Variants in RINT1 observed in about 807,000 individuals in gnomAD.
The protein encoded by RINT1 is RAD50-interacting protein 1.
A neutral mutation model predicts 97.7 loss-of-function variants in RINT1; 75 were observed. That is an observed-to-expected ratio of 0.77 (90% CI 0.64 to 0.93). RINT1 has a LOEUF of 0.93. RINT1 is among the 40% of genes least tolerant of loss of function. The pLI, the probability that RINT1 is intolerant of heterozygous loss-of-function variation, is 0.00. For synonymous variants in RINT1, 303 were observed against 326.3 expected (o/e 0.93, Z 0.77); for missense variants, 892 against 925.2 (o/e 0.96, Z 0.47).
chr7:105,559,883 A>C (rs1177155441), intron 11 of RINT1, among the ~76,000 whole-genome samples: 1 of 152,224 alleles, frequency 6.6e-6, no homozygotes. Flanking sequence ...GACAGAATTC[A>C]CTTTCCATTT....
At chr7:105,561,823 A>C (rs1586262823) in intron 11 of RINT1, among the ~76,000 whole-genome samples, 1 of 151,992 alleles carries the variant, frequency 6.6e-6, no homozygotes, top group Non-Finnish European at 1.5e-5. Context: ...CAGCCTCCCA[A>C]AGTGCTGAGA....
At chr7:105,546,226 A>T (rs1220632154) in intron 4 of RINT1, among the ~76,000 whole-genome samples, 3 of 152,244 alleles carry the variant, frequency 2.0e-5, no homozygotes, top group African/African-American at 4.8e-5. Context: ...ATACTACCAC[A>T]TTATTCCCTT....
intron 11 of RINT1, chr7:105,555,449 G>A: frequency 2.8e-6 from 1 of 358,240 alleles, no homozygotes; most frequent in Non-Finnish European, 5.1e-6. Flanking sequence ...GGAAAGGCAA[G>A]CAAGCCTTTC....
At chr7:105,549,829 T>C (rs1424389871) in intron 7 of RINT1, among the ~76,000 whole-genome samples, 2 of 152,216 alleles carry the variant, frequency 1.3e-5, no homozygotes, top group African/African-American at 4.8e-5. Flanking sequence ...TATGAGTTTA[T>C]TGACTTAAGT....
intron 10 of RINT1, among the ~76,000 whole-genome samples, chr7:105,552,125 T>G (rs1790954028): frequency 6.6e-6 from 1 of 152,170 alleles, no homozygotes; most frequent in African/African-American, 2.4e-5. Context: ...GGTTGTTATC[T>G]TCAAATTCAG....
At chr7:105,549,441 C>T (rs1294574162) in intron 7 of RINT1, among the ~76,000 whole-genome samples, 10 of 152,060 alleles carry the variant, frequency 6.6e-5, no homozygotes, top group Admixed American at 2.0e-4. Context: ...CTCTGCCTCC[C>T]GCGTTCAAGC....
intron 11 of RINT1, among the ~76,000 whole-genome samples, chr7:105,555,910 A>C (rs1047069520): frequency 1.3e-5 from 2 of 152,150 alleles, no homozygotes; most frequent in African/African-American, 4.8e-5. Flanking sequence ...GGATCACTGG[A>C]GCCCAGAAAT....
intron 3 of RINT1, among the ~76,000 whole-genome samples, chr7:105,537,107 G>A (rs1790267372): frequency 7.9e-6 from 1 of 126,550 alleles, no homozygotes; most frequent in African/African-American, 2.8e-5. Context: ...ATACCATGGT[G>A]TAAACACCAT....
At chr7:105,551,813 C>A in intron 10 of RINT1, 106 bp downstream of exon 10, 2 of 889,330 alleles carry the variant, frequency 2.2e-6, no homozygotes, top group Non-Finnish European at 3.3e-6. Flanking sequence ...TGCCTGTAAT[C>A]CTAGCACTTT....
chr7:105,540,549 A>G (rs1370224311), intron 3 of RINT1, among the ~76,000 whole-genome samples: 1 of 152,022 alleles, frequency 6.6e-6, no homozygotes, highest in Non-Finnish European at 1.5e-5. Context: ...GGCATGAGAC[A>G]CTGTGCCCGG....
At chr7:105,551,385 T>A (rs1051048697) in intron 9 of RINT1, among the ~76,000 whole-genome samples, 185 bp from the exon 10 acceptor site, 37 of 152,142 alleles carry the variant, frequency 2.4e-4, no homozygotes, top group African/African-American at 8.0e-4. Context: ...ATTTTCAGAA[T>A]TTGGGGATGG....
chr7:105,559,145 A>G (rs1311017364), intron 11 of RINT1, among the ~76,000 whole-genome samples: 1 of 152,098 alleles, frequency 6.6e-6, no homozygotes, highest in Non-Finnish European at 1.5e-5. Flanking sequence ...CTGTAATCCC[A>G]GCACTTTGGG....
At chr7:105,564,272 G>A (rs1053628828) in intron 12 of RINT1, among the ~76,000 whole-genome samples, 3 of 152,098 alleles carry the variant, frequency 2.0e-5, no homozygotes, top group African/African-American at 7.2e-5. Context: ...ATTTTTAGTA[G>A]AGATGTGGTT....
At chr7:105,538,026 T>C (rs1326792025) in intron 3 of RINT1, among the ~76,000 whole-genome samples, 1 of 151,876 alleles carries the variant, frequency 6.6e-6, no homozygotes, top group East Asian at 1.9e-4. Flanking sequence ...GGAGTCTGAC[T>C]CTGTCGCCCA....
intron 3 of RINT1, 189 bp from the exon 4 acceptor site, chr7:105,542,219 C>T (rs1284797968): frequency 8.8e-6 from 5 of 565,558 alleles, no homozygotes; most frequent in Non-Finnish European, 9.3e-6. Flanking sequence ...TGTGTAGTCC[C>T]AACTACTGGG....
At chr7:105,540,117 C>T (rs9692484) in intron 3 of RINT1, among the ~76,000 whole-genome samples, 350 of 143,024 alleles carry the variant, frequency 2.4e-3, no homozygotes, top group African/African-American at 7.9e-3. Context: ...CTTCCTCTGT[C>T]GCCCAGGCTG....
intron 11 of RINT1, among the ~76,000 whole-genome samples, chr7:105,559,890 A>G (rs1361335204): frequency 1.3e-5 from 2 of 152,208 alleles, no homozygotes; most frequent in Non-Finnish European, 2.9e-5. Context: ...TTCACTTTCC[A>G]TTTGTTTCAG....
intron 3 of RINT1, among the ~76,000 whole-genome samples, chr7:105,541,253 T>C (rs1386951327): frequency 6.6e-6 from 1 of 151,676 alleles, no homozygotes; most frequent in African/African-American, 2.4e-5. Flanking sequence ...ATTCTTGCCT[T>C]GGCCTCTCTA....
At chr7:105,536,341 T>TCAAA (rs1790231723) in intron 2 of RINT1, among the ~76,000 whole-genome samples, 1 of 152,092 alleles carries the variant, frequency 6.6e-6, no homozygotes, top group South Asian at 2.1e-4. Flanking sequence ...GTATTTTTAG[T>TCAAA]AGAGACGGGA....
Sources: allele counts gnomAD v4.1 joint callset (sites outside exome capture counted in the v4.1 genomes callset), GRCh38; gene constraint gnomAD v4.1.1; transcripts MANE v1.5; gene names NCBI Gene and HGNC (gene_info 2026-07-23, HGNC 2026-07-21).